SART3: variants seen among roughly 807,000 people sequenced by gnomAD.
SART3 encodes the protein HIV-1 Tat-interacting protein of 110kDa.
SART3 carries 44 observed loss-of-function variants against 122.3 expected under a neutral mutation model. That is an observed-to-expected ratio of 0.36 (90% CI 0.28 to 0.46). The LOEUF is 0.46. Ranked by LOEUF, SART3 falls within the 20% of genes least tolerant of loss-of-function variation. The pLI is 1.00. For missense variants in SART3, 1,101 were observed against 1,229.0 expected (o/e 0.90, Z 1.56); for synonymous variants, 442 against 454.0 (o/e 0.97, Z 0.34).
intron 15 of SART3, among the ~76,000 whole-genome samples, chr12:108,527,797 G>GCT (rs1431008423): frequency 3.3e-5 from 5 of 152,014 alleles, no homozygotes; most frequent in Admixed American, 1.3e-4. Flanking sequence ...ACAGTGTCTT[G>GCT]CTCTCTCTCC....
intron 15 of SART3, 49 bp downstream of exon 15, chr12:108,530,093 T>G (rs1872596414): frequency 6.2e-7 from 1 of 1,607,352 alleles, no homozygotes; most frequent in Non-Finnish European, 8.5e-7. Context: ...ATTCGCAACT[T>G]CTCTAACTTT....
chr12:108,525,573 G>A lies in SART3; in HGVS notation c.2407C>T (p.Leu803=), dbSNP rs1452129466. ...RYSTSLEKHK[L]FISGLPFSCT... ...GAGAAAGGCAGGCCTGAGATGAACAGCTTGTGTTTCTCTAGGGAAGTGCTG... is the reference window on the plus strand; with the variant it reads ...GAGAAAGGCAGGCCTGAGATGAACAACTTGTGTTTCTCTAGGGAAGTGCTG... Residue 803 remains leucine, a synonymous_variant, in exon 17 of 19, where the codon CTG becomes TTG. Transcript: ENST00000546815. 1 of 1,613,994 alleles carries A rather than the reference G, an allele frequency of 6.2e-7. No individual in the cohort carries two copies. The highest frequency in any genetic ancestry group is 1.3e-5 in the African/African-American group (1 of 75,016).
chr12:108,560,566 A>G, intron 1 of SART3: 1 of 462,088 alleles, frequency 2.2e-6, no homozygotes, highest in Non-Finnish European at 3.8e-6. Context: ...ATCTTGAGCA[A>G]GAAACTTTCC....
At position 108,545,247 on chromosome 12, in the gene SART3, G is replaced by T; in HGVS notation, c.621C>A (p.Arg207=). 1 of 1,614,102 alleles carries T rather than the reference G, an allele frequency of 6.2e-7. No individual in the cohort carries two copies. Among genetic ancestry groups the T allele is most frequent in the Non-Finnish European group, 8.5e-7 (1 of 1,180,014 alleles). ...IGQKGGLEKV[R]SVFERALSSV... is the part of the protein sequence containing the mutation. Reference sequence around the variant, plus strand: ...ACGAGAGAGCCCTTTCAAACACGGAGCGAACTTTCTCAAGGCCACCTTTCT... The same window carrying T: ...ACGAGAGAGCCCTTTCAAACACGGATCGAACTTTCTCAAGGCCACCTTTCT... Residue 207 remains arginine (R), a synonymous_variant, in exon 4 of 19, where the codon CGC becomes CGA. Transcript: ENST00000546815.
chr12:108,523,365 C>A lies in SART3; in HGVS notation c.*92G>T, dbSNP rs980277809. The A allele has an allele frequency of 2.7e-5, 37 of 1,364,214 alleles. 1 individual carries two copies. Among genetic ancestry groups the A allele is most frequent in the Non-Finnish European group, 3.6e-5 (34 of 954,726 alleles). The allele number at this position is 1,364,214 out of a possible 1,614,324, so 84.5% of individuals were successfully genotyped here. The stretch of plus-strand genomic sequence containing the variant: ...TCTGTGGTTGCGAGCACGCAGCACA[C>A]CAGGCCTGTCCATCCCCAGTGCACT... On this transcript the variant is annotated 3_prime_UTR_variant, in exon 19 of 19. Transcript: ENST00000546815.
chr12:108,535,611 C>T, intron 11 of SART3, 143 bp from the exon 12 acceptor site: 1 of 752,702 alleles, frequency 1.3e-6, no homozygotes, highest in South Asian at 1.4e-5. Flanking sequence ...CCCAGGCCTC[C>T]CTCCAGTGGT....
intron 15 of SART3, among the ~76,000 whole-genome samples, chr12:108,527,567 A>G (rs1872442202): frequency 6.6e-6 from 1 of 152,182 alleles, no homozygotes; most frequent in Middle Eastern, 3.2e-3. Context: ...GCGGTCACAC[A>G]TCACATTTGC....
chr12:108,541,276 A>T (rs1213283111), intron 6 of SART3, among the ~76,000 whole-genome samples: 5 of 151,828 alleles, frequency 3.3e-5, no homozygotes, highest in Admixed American at 3.3e-4. Context: ...GCTTGGTGAC[A>T]AGGGCCTATA....
rs1872971517 is a variant in SART3 at position 108,537,567 on chromosome 12, G to A, written c.1230C>T (p.Gly410=). 1 of 1,613,960 alleles carries A rather than the reference G, an allele frequency of 6.2e-7. No homozygotes were observed. The highest frequency in any genetic ancestry group is 1.7e-5 in the Admixed American group (1 of 60,000). Residue 410 remains glycine, a synonymous_variant, in exon 9 of 19, where the codon GGC becomes GGT. Coordinates refer to ENST00000546815, the MANE Select transcript of SART3 (RefSeq NM_014706.4). ...CCACATAATCAGTGGCCTGGATGAA[G>A]CCGGCATTCAAAGCTTTCTCGAAGG... ...SVTFEKALNA[G]FIQATDYVEI... is the part of the protein sequence containing the mutation.
At position 108,543,092 on chromosome 12, in the gene SART3, A is replaced by G; in HGVS notation, c.842T>C (p.Val281Ala). 1 of 1,614,218 alleles carries G rather than the reference A, an allele frequency of 6.2e-7. No homozygotes were observed. The highest frequency in any genetic ancestry group is 8.5e-7 in the Non-Finnish European group (1 of 1,180,028). ...EWSEDPIPES[V>A]IQNYNKALQQ... The stretch of plus-strand genomic sequence containing the variant: ...TAGTGCTTTGTTATAGTTCTGAATT[A>G]CTGACTCTGGTATTGGGTCTTCTGA... Residue 281 changes from valine (V) to alanine (A), a missense_variant, in exon 6 of 19, where the codon GTA (valine) becomes GCA (alanine). Physicochemically the swap from Val to Ala is moderately conservative, Grantham distance 64 (BLOSUM62 0). Around this residue, in one of 2 missense-constraint regions of SART3, gnomAD observed 885 missense variants for 1,080.1 expected, o/e 0.82. Transcript: ENST00000546815.
Position 108,544,655 on chromosome 12 carries a change from C to T in SART3, c.730-177G>A. 4 of 824,834 alleles carry T rather than the reference C, an allele frequency of 4.8e-6. No individual in the cohort carries two copies. In the Middle Eastern group the frequency reaches 7.3e-4, roughly 150 times the overall value. The allele number at this position is 824,834 out of a possible 1,614,324, so 51.1% of individuals were successfully genotyped here. A position where few individuals can be genotyped will look rare whatever the true frequency, so the allele number is the denominator to read the frequency against. Reference sequence around the variant, plus strand: ...GATCACAACTCACTACAGCCTCACACTCCAGGCTCATGCAATCCTCCCACC... The same window carrying T: ...GATCACAACTCACTACAGCCTCACATTCCAGGCTCATGCAATCCTCCCACC... On this transcript the variant is annotated intron_variant, in intron 4 of 18. Coordinates refer to ENST00000546815, the MANE Select transcript of SART3 (RefSeq NM_014706.4).
chr12:108,523,869 G>T, intron 18 of SART3: 1 of 604,802 alleles, frequency 1.7e-6, no homozygotes, highest in Non-Finnish European at 2.9e-6. Flanking sequence ...CACACTCAGA[G>T]GGGATCAGTG....
At chr12:108,551,008 C>A (rs1008950250) in intron 1 of SART3, among the ~76,000 whole-genome samples, 1 of 151,962 alleles carries the variant, frequency 6.6e-6, no homozygotes. Flanking sequence ...GCCTTAAATG[C>A]GAATGGTGCA....
intron 16 of SART3, 115 bp from the exon 17 acceptor site, chr12:108,525,724 C>A: frequency 9.1e-7 from 1 of 1,093,528 alleles, no homozygotes. Flanking sequence ...AGACTAGAGC[C>A]AAGCCATGCT....
intron 15 of SART3, among the ~76,000 whole-genome samples, chr12:108,528,597 T>C (rs1293594334): frequency 2.0e-5 from 3 of 150,614 alleles, no homozygotes; most frequent in Non-Finnish European, 4.4e-5. Flanking sequence ...CAGGCAGGCA[T>C]GGGGCAGTGA....
In SART3 at chr12:108,523,586, C is replaced by A; in HGVS notation, c.2763G>T (p.Gln921His). Residue 921 changes from glutamine to histidine, a missense_variant, in exon 19 of 19, where the codon CAG (glutamine) becomes CAT (histidine). By Grantham distance (24) the Gln-to-His change is conservative. Around this residue, in one of 2 missense-constraint regions of SART3, gnomAD observed 885 missense variants for 1,080.1 expected, o/e 0.82. Transcript: ENST00000546815. ...TQLSLLPRAL[Q>H]RPSAAAPQAE... ...CCTGAGGAGCTGCAGCACTTGGGCG[C>A]TGCAGGGCACGAGGCAGTAGAGACA... 6.2e-7 allele frequency: 1 copy of A among 1,614,176 alleles called. No individual in the cohort carries two copies. The highest frequency in any genetic ancestry group is 8.5e-7 in the Non-Finnish European group (1 of 1,180,020).
rs1437255085 is a variant in SART3, at chr12:108,558,326, G to T, written c.312+2517C>A. Among the ~76,000 whole-genome samples, 3 of 152,178 alleles carry T rather than the reference G, an allele frequency of 2.0e-5. No homozygotes were observed. In the East Asian group the frequency reaches 5.8e-4, roughly 29 times the overall value. ...CTGTGGGATCAGGATGAGGTGGGTG[G>T]GAGGCTTGGAGAAACTGGACAAGTC... On this transcript the variant is annotated intron_variant, in intron 1 of 18. Transcript: ENST00000546815.
chr12:108,543,086 T>C lies in SART3; in HGVS notation c.848A>G (p.Gln283Arg), dbSNP rs768563451. ...SEDPIPESVI[Q>R]NYNKALQQLE... ...CTGCTGTAGTGCTTTGTTATAGTTC[T>C]GAATTACTGACTCTGGTATTGGGTC... Residue 283 changes from glutamine to arginine, a missense_variant, in exon 6 of 19, where the codon CAG becomes CGG. Around this residue, in one of 2 missense-constraint regions of SART3, gnomAD observed 885 missense variants for 1,080.1 expected, o/e 0.82. Transcript: ENST00000546815. 1 of 1,614,248 alleles carries C rather than the reference T, an allele frequency of 6.2e-7. No homozygotes were observed. The highest frequency in any genetic ancestry group is 1.1e-5 in the South Asian group (1 of 91,084).
rs771695810 is a variant in SART3 at position 108,539,003 on chromosome 12, C to G, written c.993G>C (p.Leu331Phe). 2.1e-5 allele frequency: 34 copies of G among 1,614,090 alleles called. No individual in the cohort carries two copies. The South Asian group carries it at 3.7e-4, about 18-fold the overall frequency. ...MKIGDPARIQ[L>F]IFERALVENC... Reference sequence around the variant, plus strand: ...TCTCGACCAGGGCGCGCTCAAAGATCAACTGAATGCGAGCAGGATCGCCAA... The same window carrying G: ...TCTCGACCAGGGCGCGCTCAAAGATGAACTGAATGCGAGCAGGATCGCCAA... Residue 331 changes from leucine to phenylalanine, a missense_variant, in exon 7 of 19, where the codon TTG becomes TTC. This residue lies in a region of SART3 where 885 missense variants were observed against 1,080.1 expected (regional missense o/e 0.82). Transcript: ENST00000546815.
Sources: gnomAD v4.1 joint callset for allele counts (sites outside exome capture counted in the v4.1 genomes callset) on GRCh38, gnomAD v4.1.1 for gene constraint, gnomAD v4.1.1 regional missense constraint, MANE v1.5 for transcripts, NCBI Gene and HGNC (gene_info 2026-07-23, HGNC 2026-07-21) for gene names.